The following ZNF708 variants were observed in gnomAD, a reference collection of about 807,000 sequenced individuals.
ZNF708 encodes the protein zinc finger protein 708, also known as ZNF15, ZNF15L1.
A neutral mutation model predicts 47.0 loss-of-function variants in ZNF708; 44 were observed. The ratio of observed to expected loss-of-function variants is 0.94; its 90% CI spans 0.74 to 1.20. ZNF708 has a LOEUF of 1.20. ZNF708 is among the 50% of genes most tolerant of loss of function. ZNF708 has a pLI of 0.00. For synonymous variants in ZNF708, 184 were observed against 218.5 expected (o/e 0.84, Z 1.39); for missense variants, 557 against 656.0 (o/e 0.85, Z 1.65).
At chr19:21,297,446 CCCAAGGTA>C (rs1972562452) in intron 3 of ZNF708, among the ~76,000 whole-genome samples, 1 of 136,732 alleles carries the variant, frequency 7.3e-6, no homozygotes, top group Admixed American at 7.4e-5. Context: ...TTATGTAATT[CCCAAGGTA>C]CCACAAAGAA....
intron 3 of ZNF708, 63 bp downstream of exon 3, chr19:21,309,183 T>C (rs1972846272): frequency 1.4e-6 from 2 of 1,411,864 alleles, no homozygotes; most frequent in Middle Eastern, 1.9e-4. Flanking sequence ...TTTTAAGGAC[T>C]GGTTTTCTCT....
rs111928703 is a variant in ZNF708 at position 21,291,169 on chromosome 19, A to T, written c.*2105T>A. The T allele has an allele frequency of 6.6e-6, 1 of 151,996 alleles. No individual in the cohort carries two copies. The highest frequency in any genetic ancestry group is 2.4e-5 in the African/African-American group (1 of 41,400). The allele number at this position is 151,996 out of a possible 1,614,324, so 9.4% of individuals were successfully genotyped here. ...AAGTTCACACATCATCTGAAAATTT[A>T]AAAATGTACTGCATTTTATTACATA... On this transcript the variant is annotated 3_prime_UTR_variant, in exon 4 of 4. Transcript: ENST00000356929.
chr19:21,299,876 A>G (rs995359797), intron 3 of ZNF708, among the ~76,000 whole-genome samples: 1 of 152,194 alleles, frequency 6.6e-6, no homozygotes, highest in African/African-American at 2.4e-5. Flanking sequence ...AGTTTTAAAA[A>G]TATCTTTAAA....
chr19:21,307,810 T>G (rs1391397979), intron 3 of ZNF708, among the ~76,000 whole-genome samples: 1 of 152,046 alleles, frequency 6.6e-6, no homozygotes, highest in Non-Finnish European at 1.5e-5. Flanking sequence ...AAAAAACCCA[T>G]TGAAATTGAA....
chr19:21,311,311 G>A (rs1476462149), intron 1 of ZNF708, among the ~76,000 whole-genome samples: 2 of 149,402 alleles, frequency 1.3e-5, no homozygotes, highest in Admixed American at 6.6e-5. Context: ...ACTTAATAAT[G>A]AACAGAAAAA....
At chr19:21,317,220 C>T (rs1171078501) in intron 1 of ZNF708, among the ~76,000 whole-genome samples, 1 of 151,954 alleles carries the variant, frequency 6.6e-6, no homozygotes, top group Non-Finnish European at 1.5e-5. Context: ...ACTGAGGTTG[C>T]AGTGAGCTAA....
intron 3 of ZNF708, among the ~76,000 whole-genome samples, chr19:21,297,035 A>G (rs1972538864): frequency 6.6e-6 from 1 of 151,558 alleles, no homozygotes; most frequent in Non-Finnish European, 1.5e-5. Flanking sequence ...TGGGAGGCTG[A>G]GGCAGGAGAA....
At position 21,291,846 on chromosome 19, in the gene ZNF708, C is replaced by G. The variant is rs1972401284; in HGVS notation, c.*1428G>C. The G allele has an allele frequency of 6.6e-6, 1 of 151,972 alleles. No individual in the cohort carries two copies. Among genetic ancestry groups the G allele is most frequent in the African/African-American group, 2.4e-5 (1 of 41,374 alleles). 9.4% of individuals were successfully genotyped at this position (151,972 alleles called of 1,614,324 possible). On this transcript the variant is annotated 3_prime_UTR_variant, in exon 4 of 4. Coordinates refer to ENST00000356929, the MANE Select transcript of ZNF708 (RefSeq NM_021269.3). Reference sequence around the variant, plus strand: ...TGCCACTGCACTCCAGCCTGGACGACAGAGAGAGACTCTGTCTCAAGGAAA... The same window carrying G: ...TGCCACTGCACTCCAGCCTGGACGAGAGAGAGAGACTCTGTCTCAAGGAAA...
intron 3 of ZNF708, chr19:21,307,012 A>AC (rs1555721662): frequency 2.1e-5 from 3 of 144,016 alleles, no homozygotes; most frequent in African/African-American, 7.9e-5. Context: ...ACATAACATA[A>AC]AACATAACAT....
At chr19:21,312,741 C>A (rs1478783293) in intron 1 of ZNF708, among the ~76,000 whole-genome samples, 1 of 151,786 alleles carries the variant, frequency 6.6e-6, no homozygotes, top group Non-Finnish European at 1.5e-5. Context: ...AATGTTGCTC[C>A]CCCGGGCTCA....
In ZNF708 at chr19:21,309,210, A is replaced by T. The variant is rs2968064; in HGVS notation, c.226+36T>A. 15 of 1,529,368 alleles carry T rather than the reference A, an allele frequency of 9.8e-6. No individual in the cohort carries two copies. The African/African-American group carries it at 2.0e-4, about 20-fold the overall frequency. The allele number at this position is 1,529,368 out of a possible 1,614,324, so 94.7% of individuals were successfully genotyped here. A position where few individuals can be genotyped will look rare whatever the true frequency, so the allele number is the denominator to read the frequency against. On this transcript the variant is annotated intron_variant, in intron 3 of 3. Coordinates refer to ENST00000356929, the MANE Select transcript of ZNF708 (RefSeq NM_021269.3). The stretch of plus-strand genomic sequence containing the variant: ...GTTTTCTCTTTTACCTTTGGACCTC[A>T]CATCTGTGTCATCTGTTGTGTTCAC...
intron 1 of ZNF708, among the ~76,000 whole-genome samples, chr19:21,321,912 G>A (rs1244186298): frequency 1.3e-5 from 2 of 152,136 alleles, no homozygotes; most frequent in Non-Finnish European, 2.9e-5. Context: ...CCATGGATAA[G>A]GGAGAGTGCA....
chr19:21,307,805 A>G (rs907273541), intron 3 of ZNF708, among the ~76,000 whole-genome samples: 5 of 152,090 alleles, frequency 3.3e-5, no homozygotes, highest in Non-Finnish European at 4.4e-5. Flanking sequence ...AAAATAAAAA[A>G]CCCATTGAAA....
Position 21,310,584 on chromosome 19 carries a change from TC to T in ZNF708, c.46del (p.Glu16ArgfsTer19). 1 of 1,545,254 alleles carries T rather than the reference TC, an allele frequency of 6.5e-7. No individual in the cohort carries two copies. The highest frequency in any genetic ancestry group is 8.7e-7 in the Non-Finnish European group (1 of 1,144,470). On this transcript the variant is annotated frameshift_variant, in exon 2 of 4. Coordinates refer to ENST00000356929, the MANE Select transcript of ZNF708 (RefSeq NM_021269.3). LOFTEE classifies it high-confidence loss of function. ...TGCTGTGTCCAGGCACTGCCACTCC[TC>T]CAGAGAGAATTCTATGGCCACATCC... ...FMDVAIEFSL[E>X]EWQCLDTAQQ... is the part of the protein sequence containing the mutation.
chr19:21,294,601 T>TTG lies in ZNF708; in HGVS notation c.363_364dup (p.Lys122ThrfsTer12). On this transcript the variant is annotated frameshift_variant, in exon 4 of 4. Transcript: ENST00000356929. LOFTEE classifies it high-confidence loss of function. ...CCGGTTAAGTCCCTTGTGACCTCCTTTGTGCAACTTATGCTCATCCACACT... is the reference window on the plus strand; with the variant it reads ...CCGGTTAAGTCCCTTGTGACCTCCTTTGTGTGCAACTTATGCTCATCCACACT... 6.2e-7 allele frequency: 1 copy of TTG among 1,614,078 alleles called. No individual in the cohort carries two copies. The highest frequency in any genetic ancestry group is 8.5e-7 in the Non-Finnish European group (1 of 1,179,992).
At chr19:21,305,011 C>T (rs566011342) in intron 3 of ZNF708, among the ~76,000 whole-genome samples, 4 of 151,990 alleles carry the variant, frequency 2.6e-5, no homozygotes, top group South Asian at 4.2e-4. Context: ...CACTCTTCAA[C>T]AGATTCTTTT....
At chr19:21,299,032 T>C (rs991838740) in intron 3 of ZNF708, among the ~76,000 whole-genome samples, 2 of 152,124 alleles carry the variant, frequency 1.3e-5, no homozygotes, top group Non-Finnish European at 2.9e-5. Flanking sequence ...AAAAGTGAGA[T>C]GAAATGGGAA....
At chr19:21,322,970 C>T (rs1410925803) in intron 1 of ZNF708, among the ~76,000 whole-genome samples, 1 of 151,952 alleles carries the variant, frequency 6.6e-6, no homozygotes, top group African/African-American at 2.4e-5. Context: ...TAACCTTTTT[C>T]AAGTTCAATA....
At chr19:21,322,414 T>C (rs1973169057) in intron 1 of ZNF708, among the ~76,000 whole-genome samples, 1 of 151,984 alleles carries the variant, frequency 6.6e-6, no homozygotes, top group Non-Finnish European at 1.5e-5. Flanking sequence ...TGATTCTCCT[T>C]CCTCAGCCTC....
Sources: allele counts gnomAD v4.1 joint callset (sites outside exome capture counted in the v4.1 genomes callset), GRCh38; gene constraint gnomAD v4.1.1; transcripts MANE v1.5; gene names NCBI Gene and HGNC (gene_info 2026-07-23, HGNC 2026-07-21).